The following ADCY9 variants were observed in gnomAD, a reference collection of about 807,000 sequenced individuals.
ADCY9 encodes the protein adenylate cyclase type 9.
In ADCY9, 50 loss-of-function variants were observed where a neutral mutation model predicts 101.5. The ratio of observed to expected loss-of-function variants is 0.49; its 90% CI spans 0.39 to 0.62. The LOEUF is 0.62. Among genes scored for constraint, ADCY9 ranks in the 20% least tolerant of loss-of-function variants. The probability of loss-of-function intolerance (pLI) is 0.00; values close to 1 mark genes in which losing one functional copy is unlikely to be tolerated. For synonymous variants in ADCY9, 905 were observed against 769.3 expected (o/e 1.18, Z -2.92); for missense variants, 1,662 against 1,800.4 (o/e 0.92, Z 1.39).
At chr16:4,098,578 A>G (rs901467342) in intron 2 of ADCY9, among the ~76,000 whole-genome samples, 4 of 152,120 alleles carry the variant, frequency 2.6e-5, no homozygotes, top group African/African-American at 9.7e-5. Context: ...AGCCAATATT[A>G]TCAGGCATGT....
chr16:4,018,306 C>T (rs1293651658), intron 2 of ADCY9, among the ~76,000 whole-genome samples: 6 of 151,778 alleles, frequency 4.0e-5, no homozygotes, highest in Non-Finnish European at 5.9e-5. Context: ...CTCTGCCTCC[C>T]GGGTTCAAGC....
intron 2 of ADCY9, among the ~76,000 whole-genome samples, chr16:4,062,241 A>T (rs73492517): frequency 3.6e-3 from 541 of 152,338 alleles, no homozygotes; most frequent in African/African-American, 0.012. Flanking sequence ...TAAAAATATA[A>T]CCAAAAAATA....
In ADCY9 at chr16:3,977,551, C is replaced by T. The variant is rs759954267; in HGVS notation, c.2759G>A (p.Arg920Lys). 3 of 1,607,652 alleles carry T rather than the reference C, an allele frequency of 1.9e-6. No homozygotes were observed. Among genetic ancestry groups the T allele is most frequent in the Non-Finnish European group, 2.5e-6 (3 of 1,177,518 alleles). Reference sequence around the variant, plus strand: ...CCCCACGACGGTGGCGAGGGAGGACCTCATCCAGGAGCTGAGCTGGCAGAA... The same window carrying T: ...CCCCACGACGGTGGCGAGGGAGGACTTCATCCAGGAGCTGAGCTGGCAGAA... ...CNFCQLSSWM[R>K]SSLATVVGAG... Residue 920 changes from arginine to lysine, a missense_variant, in exon 9 of 11, where the codon AGG becomes AAG. Arg to Lys is a conservative substitution (Grantham distance 26). Transcript: ENST00000294016.
intron 2 of ADCY9, among the ~76,000 whole-genome samples, chr16:4,016,138 T>C (rs1021242802): frequency 2.0e-5 from 3 of 152,066 alleles, no homozygotes; most frequent in African/African-American, 4.8e-5. Flanking sequence ...AGTCAGTGAG[T>C]GACGATCTGG....
At chr16:3,988,719 C>T (rs1283055190) in intron 6 of ADCY9, among the ~76,000 whole-genome samples, 2 of 152,050 alleles carry the variant, frequency 1.3e-5, no homozygotes, top group Non-Finnish European at 2.9e-5. Flanking sequence ...GGGCCCCTTC[C>T]AAGGCTGGGG....
At chr16:3,958,723 G>C (rs1198946707), downstream of ADCY9, among the ~76,000 whole-genome samples, 6 of 141,902 alleles carry the variant, frequency 4.2e-5, no homozygotes, top group African/African-American at 8.1e-5. Context: ...CCAGGCTGGA[G>C]TGCAGTGGTG....
chr16:3,981,204 G>T lies in ADCY9; in HGVS notation c.2520-1929C>A, dbSNP rs79528441. Among the ~76,000 whole-genome samples the T allele has an allele frequency of 7.4e-3, 1,120 of 152,350 alleles. 12 individuals carry two copies. Among genetic ancestry groups the T allele is most frequent in the East Asian group, 0.052 (268 of 5,182 alleles). ...CCACCACCTTCACCAGATCCTTGGG[G>T]AGTATGTCTGTGCAGGCAGTTCCAG... On this transcript the variant is annotated intron_variant, in intron 7 of 10. Coordinates refer to ENST00000294016, the MANE Select transcript of ADCY9 (RefSeq NM_001116.4).
chr16:4,097,990 G>A (rs2141196523), intron 2 of ADCY9, among the ~76,000 whole-genome samples: 1 of 152,220 alleles, frequency 6.6e-6, no homozygotes, highest in African/African-American at 2.4e-5. Flanking sequence ...CAGTGGCGTG[G>A]AAACAGATTA....
chr16:4,019,896 G>A (rs911033067), intron 2 of ADCY9, among the ~76,000 whole-genome samples: 6 of 152,126 alleles, frequency 3.9e-5, no homozygotes, highest in Non-Finnish European at 7.4e-5. Context: ...TGGCCAACAT[G>A]GTGAAACCCT....
chr16:3,969,614 T>TATATATATATATATATACGTA (rs1567414929), intron 10 of ADCY9, among the ~76,000 whole-genome samples: 1 of 50,718 alleles, frequency 2.0e-5, no homozygotes, highest in Admixed American at 2.6e-4. Context: ...ATATATGTAT[T>TATATATATATATATATACGTA]TTTTTTTTTT....
At chr16:4,084,917 T>A (rs1165227550) in intron 2 of ADCY9, among the ~76,000 whole-genome samples, 1 of 152,120 alleles carries the variant, frequency 6.6e-6, no homozygotes, top group African/African-American at 2.4e-5. Flanking sequence ...CAACTTCAAC[T>A]CCCGGCCTTC....
At position 4,115,738 on chromosome 16, in the gene ADCY9, C is replaced by A; in HGVS notation, c.-92G>T. The stretch of plus-strand genomic sequence containing the variant: ...CGCGTGGCCGCCGTGGCTCCGGGAC[C>A]GCTTTGCTCGCTCGCCTTCCGCGCC... On this transcript the variant is annotated 5_prime_UTR_variant, in exon 1 of 11. Coordinates refer to ENST00000294016, the MANE Select transcript of ADCY9 (RefSeq NM_001116.4). The surrounding 1 kb of genome is among the most constrained non-coding windows in gnomAD (Gnocchi z 6.2). 2.4e-6 allele frequency: 1 copy of A among 414,390 alleles called. No individual in the cohort carries two copies. Among genetic ancestry groups the A allele is most frequent in the Non-Finnish European group, 4.2e-6 (1 of 235,952 alleles). The allele number at this position is 414,390 out of a possible 1,614,324, so 25.7% of individuals were successfully genotyped here.
chr16:4,099,889 C>T (rs1212416363), intron 2 of ADCY9, among the ~76,000 whole-genome samples: 1 of 152,166 alleles, frequency 6.6e-6, no homozygotes, highest in Non-Finnish European at 1.5e-5. Context: ...CTGTCTCTCT[C>T]AAAAATTTGA....
intron 6 of ADCY9, among the ~76,000 whole-genome samples, chr16:3,986,822 C>T (rs1224532586): frequency 6.6e-6 from 1 of 152,244 alleles, no homozygotes; most frequent in Non-Finnish European, 1.5e-5. Flanking sequence ...GGTCTATCTA[C>T]TGGCCTCAAG....
At chr16:4,035,582 G>A (rs182587693) in intron 2 of ADCY9, among the ~76,000 whole-genome samples, 3 of 152,214 alleles carry the variant, frequency 2.0e-5, no homozygotes, top group Non-Finnish European at 2.9e-5. Context: ...TGACACACAC[G>A]AGGAAAGATG....
chr16:4,044,650 T>C (rs1048067669), intron 2 of ADCY9, among the ~76,000 whole-genome samples: 5 of 152,214 alleles, frequency 3.3e-5, no homozygotes, highest in African/African-American at 1.2e-4. Context: ...CAGTTTTATC[T>C]CTGGAGCTTC....
At chr16:4,035,495 A>G (rs746987599) in intron 2 of ADCY9, among the ~76,000 whole-genome samples, 3 of 152,330 alleles carry the variant, frequency 2.0e-5, no homozygotes, top group Non-Finnish European at 4.4e-5. Context: ...GCCATACTCA[A>G]TTATACACAA....
chr16:4,108,581 T>C (rs2057093376), intron 2 of ADCY9, among the ~76,000 whole-genome samples: 1 of 150,872 alleles, frequency 6.6e-6, no homozygotes, highest in East Asian at 2.0e-4. Flanking sequence ...ACCATGTTGG[T>C]CAGGCTGGTC....
intron 2 of ADCY9, among the ~76,000 whole-genome samples, chr16:4,046,875 T>G (rs1399460089): frequency 6.6e-6 from 1 of 152,088 alleles, no homozygotes; most frequent in Admixed American, 6.6e-5. Context: ...CCAAGTGTGC[T>G]GGCATGCACC....
Sources: allele counts gnomAD v4.1 joint callset (sites outside exome capture counted in the v4.1 genomes callset), GRCh38; gene constraint gnomAD v4.1.1; non-coding constraint Gnocchi (gnomAD v3.1); transcripts MANE v1.5; gene names NCBI Gene and HGNC (gene_info 2026-07-23, HGNC 2026-07-21).